CADM1: variants seen among roughly 807,000 people sequenced by gnomAD.
CADM1 encodes cell adhesion molecule 1, also known as TSLC-1.
CADM1 carries 15 observed loss-of-function variants against 53.1 expected under a neutral mutation model. The observed-to-expected ratio is 0.28, with a 90% CI of 0.19 to 0.44. CADM1 has a LOEUF of 0.44. Ranked by LOEUF, CADM1 falls within the 20% of genes least tolerant of loss-of-function variation. The pLI is 1.00. For missense variants in CADM1, 434 were observed against 611.3 expected (o/e 0.71, Z 3.06); for synonymous variants, 281 against 243.0 (o/e 1.16, Z -1.45).
intron 1 of CADM1, among the ~76,000 whole-genome samples, chr11:115,438,868 C>T (rs1412503283): frequency 6.6e-6 from 1 of 152,060 alleles, no homozygotes; most frequent in African/African-American, 2.4e-5. Context: ...CTATATTAAC[C>T]GAGAAGCTAT....
At chr11:115,276,387 A>G (rs1357951751) in intron 1 of CADM1, among the ~76,000 whole-genome samples, 1 of 152,238 alleles carries the variant, frequency 6.6e-6, no homozygotes, top group Non-Finnish European at 1.5e-5. Context: ...AAGAGACAGC[A>G]TATGGGAGAA....
At chr11:115,263,097 C>T (rs537713079) in intron 1 of CADM1, among the ~76,000 whole-genome samples, 3 of 152,314 alleles carry the variant, frequency 2.0e-5, no homozygotes, top group South Asian at 2.1e-4. Flanking sequence ...GCCACGGAGG[C>T]GACGCGCCCC....
intron 1 of CADM1, among the ~76,000 whole-genome samples, chr11:115,344,353 AT>A (rs2135253258): frequency 6.6e-6 from 1 of 152,172 alleles, no homozygotes; most frequent in Admixed American, 6.5e-5. Flanking sequence ...TTTAACTATC[AT>A]TTCTCTAAGT....
At chr11:115,297,457 G>A (rs1591683656) in intron 1 of CADM1, among the ~76,000 whole-genome samples, 1 of 152,180 alleles carries the variant, frequency 6.6e-6, no homozygotes, top group Non-Finnish European at 1.5e-5. Context: ...CTCATCTCCA[G>A]CAGGTGTCTT....
At chr11:115,261,785 T>G (rs1425002355) in intron 1 of CADM1, among the ~76,000 whole-genome samples, 1 of 134,188 alleles carries the variant, frequency 7.5e-6, no homozygotes, top group Non-Finnish European at 1.5e-5. Flanking sequence ...TCCAATAAGA[T>G]TTTTTTTTTT....
intron 1 of CADM1, among the ~76,000 whole-genome samples, chr11:115,491,033 T>G (rs1325919748): frequency 6.6e-6 from 1 of 151,868 alleles, no homozygotes; most frequent in Admixed American, 6.6e-5. Flanking sequence ...TAGTCTGAGG[T>G]TTAAATGCAA....
At chr11:115,310,134 T>C (rs1330757024) in intron 1 of CADM1, among the ~76,000 whole-genome samples, 1 of 152,058 alleles carries the variant, frequency 6.6e-6, no homozygotes, top group Non-Finnish European at 1.5e-5. Flanking sequence ...ATATGCACGA[T>C]GGGGAAAGGC....
intron 1 of CADM1, among the ~76,000 whole-genome samples, chr11:115,406,001 T>C (rs748751110): frequency 2.2e-4 from 34 of 152,330 alleles, no homozygotes; most frequent in Non-Finnish European, 2.9e-4. Context: ...ATGTGAAATA[T>C]ACAACTTCAA....
chr11:115,483,882 C>T (rs193080981), intron 1 of CADM1, among the ~76,000 whole-genome samples: 251 of 152,296 alleles, frequency 1.6e-3, no homozygotes, highest in Non-Finnish European at 2.4e-3. Flanking sequence ...CTGAACAGCA[C>T]AGATATGGAC....
intron 1 of CADM1, chr11:115,340,300 T>C (rs1945393803): frequency 6.6e-6 from 1 of 152,068 alleles, no homozygotes; most frequent in Non-Finnish European, 1.5e-5. Context: ...GGCATTTGGG[T>C]CACTTCTATG....
At chr11:115,488,562 A>T (rs1949427602) in intron 1 of CADM1, among the ~76,000 whole-genome samples, 1 of 152,348 alleles carries the variant, frequency 6.6e-6, no homozygotes. Context: ...TTCCACCTCT[A>T]TATTCACAGG....
chr11:115,375,571 C>T (rs1946417253), intron 1 of CADM1, among the ~76,000 whole-genome samples: 1 of 152,044 alleles, frequency 6.6e-6, no homozygotes, highest in South Asian at 2.1e-4. Flanking sequence ...GATACGATGA[C>T]AATATTTAAT....
chr11:115,170,438 T>G lies in CADM1; in HGVS notation c.*6036A>C, dbSNP rs1204205477. 2.6e-5 allele frequency: 4 copies of G among 152,128 alleles called. No individual in the cohort carries two copies. The highest frequency in any genetic ancestry group is 4.1e-4 in the South Asian group (2 of 4,826). The allele number at this position is 152,128 out of a possible 1,614,324, so 9.4% of individuals were successfully genotyped here. On this transcript the variant is annotated 3_prime_UTR_variant, in exon 12 of 12. Coordinates refer to ENST00000331581, the MANE Select transcript of CADM1 (RefSeq NM_001301043.2). ...GGGGCAGTAGACATTTTATGTTTTT[T>G]GGGAATGAAAAAAATAAATAAAAAC...
At chr11:115,231,020 TACAG>T (rs1754732620) in intron 4 of CADM1, among the ~76,000 whole-genome samples, 1 of 152,150 alleles carries the variant, frequency 6.6e-6, no homozygotes, top group Non-Finnish European at 1.5e-5. Context: ...GAATTGAAGG[TACAG>T]ACAGAGACAG....
chr11:115,240,223 A>G lies in CADM1; in HGVS notation c.271+51T>C, dbSNP rs375032629. The G allele has an allele frequency of 1.8e-5, 28 of 1,583,626 alleles. No individual in the cohort carries two copies. In the South Asian group the frequency reaches 3.1e-4, roughly 18 times the overall value. Reference sequence around the variant, plus strand: ...GCCTTAGCAATCTCTTTATCAAGACAACATGTAGGTAAAAAAGTTGCCATC... The same window carrying G: ...GCCTTAGCAATCTCTTTATCAAGACGACATGTAGGTAAAAAAGTTGCCATC... On this transcript the variant is annotated intron_variant, in intron 2 of 11. Coordinates refer to ENST00000331581, the MANE Select transcript of CADM1 (RefSeq NM_001301043.2).
intron 1 of CADM1, among the ~76,000 whole-genome samples, chr11:115,408,020 G>T (rs1022960237): frequency 1.3e-5 from 2 of 151,816 alleles, no homozygotes; most frequent in Non-Finnish European, 2.9e-5. Context: ...AAAGGGCTGG[G>T]TGTTGGGGGG....
intron 5 of CADM1, among the ~76,000 whole-genome samples, chr11:115,228,631 C>T (rs905164722): frequency 5.3e-5 from 8 of 152,214 alleles, no homozygotes; most frequent in African/African-American, 1.7e-4. Flanking sequence ...ATTGATGAAG[C>T]CATCAAGATT....
chr11:115,300,577 G>A (rs1219475871), intron 1 of CADM1, among the ~76,000 whole-genome samples: 1 of 152,056 alleles, frequency 6.6e-6, no homozygotes, highest in African/African-American at 2.4e-5. Context: ...ATTCTGTCCT[G>A]AAGAACTCTT....
chr11:115,458,052 C>T (rs530069777), intron 1 of CADM1, among the ~76,000 whole-genome samples: 66 of 152,134 alleles, frequency 4.3e-4, no homozygotes, highest in African/African-American at 1.5e-3. Context: ...TATGGGTGTA[C>T]TCTTCTCTTT....
Sources: allele counts gnomAD v4.1 joint callset (sites outside exome capture counted in the v4.1 genomes callset), GRCh38; gene constraint gnomAD v4.1.1; transcripts MANE v1.5; gene names NCBI Gene and HGNC (gene_info 2026-07-23, HGNC 2026-07-21).